The following MINDY1 variants were observed in gnomAD, a reference collection of about 807,000 sequenced individuals.
The protein encoded by MINDY1 is ubiquitin carboxyl-terminal hydrolase MINDY-1.
In MINDY1, 50 loss-of-function variants were observed where a neutral mutation model predicts 53.6. The ratio of observed to expected loss-of-function variants is 0.93; its 90% confidence interval spans 0.74 to 1.18. MINDY1 has a LOEUF of 1.18. Ranked by LOEUF, MINDY1 falls within the 50% of genes most tolerant of loss-of-function variation. The probability of loss-of-function intolerance (pLI) is 0.00; values close to 1 mark genes in which losing one functional copy is unlikely to be tolerated. For synonymous variants in MINDY1, 231 were observed against 234.7 expected, an observed-to-expected ratio of 0.98 and a Z score of 0.14; for missense variants, 484 against 578.6, an observed-to-expected ratio of 0.84 and a Z score of 1.68.
chr1:151,000,685 AT>A lies in MINDY1; in HGVS notation c.577-71del, dbSNP rs937045293. The A allele has an allele frequency of 8.0e-6, 12 of 1,505,148 alleles. No homozygotes were observed. The African/African-American group carries it at 1.5e-4, about 19-fold the overall frequency. The allele number at this position is 1,505,148 out of a possible 1,614,324, so 93.2% of individuals were successfully genotyped here. A position where few individuals can be genotyped will look rare whatever the true frequency, so the allele number is the denominator to read the frequency against. ...CACCACTCCACTCCCACCTGCAGAAATTAAAAATTAACCTTGCTGCTCTTCT... is the reference window on the plus strand; with the variant it reads ...CACCACTCCACTCCCACCTGCAGAAATAAAAATTAACCTTGCTGCTCTTCT... On this transcript the variant is annotated intron_variant, in intron 4 of 9. Coordinates refer to ENST00000683666, the MANE Select transcript of MINDY1 (RefSeq NM_001376665.1).
Position 150,999,834 on chromosome 1 carries a change from CT to C in MINDY1, c.838+27del, listed in dbSNP as rs764585884. On this transcript the variant is annotated intron_variant, in intron 6 of 9. Transcript: ENST00000683666. This position sits in a 1 kb window ranked among gnomAD's most constrained non-coding sequence, Gnocchi z 4.4. ...AAGTAGCTGTCATTCCCTCCACATACTATCCATGAGAAGGGGAGGAATGTCA... is the reference window on the plus strand; with the variant it reads ...AAGTAGCTGTCATTCCCTCCACATACATCCATGAGAAGGGGAGGAATGTCA... 1 of 1,583,698 alleles carries C rather than the reference CT, an allele frequency of 6.3e-7. No individual in the cohort carries two copies. The highest frequency in any genetic ancestry group is 8.7e-7 in the Non-Finnish European group (1 of 1,152,670).
rs769175389 is a variant in MINDY1, at chr1:151,006,782, C to G, written c.-560G>C. 7.1e-6 allele frequency: 7 copies of G among 985,646 alleles called. No individual in the cohort carries two copies. Among genetic ancestry groups the G allele is most frequent in the Non-Finnish European group, 8.4e-6 (7 of 830,076 alleles). 61.1% of individuals were successfully genotyped at this position (985,646 alleles called of 1,614,324 possible). A position where few individuals can be genotyped will look rare whatever the true frequency, so the allele number is the denominator to read the frequency against. ...GCTGGTGGATTTCCATCAGGACTTT[C>G]TGACCCGGTCAGCAGCTTTGTGATC... On this transcript the variant is annotated 5_prime_UTR_variant, in exon 1 of 10. Transcript: ENST00000683666.
chr1:151,002,482 C>T lies in MINDY1; in HGVS notation c.136G>A (p.Glu46Lys), dbSNP rs753976977. ...QDTDARDADG[E>K]AREREPADQA... ...TCTGCTGGCTCCCGTTCTCTAGCCT[C>T]CCCATCAGCATCTCTTGCATCTGTG... The change falls in exon 2 of 10, where the codon GAG (glutamate) becomes AAG (lysine). Residue 46 changes from glutamate to lysine, a missense_variant. Coordinates refer to ENST00000683666, the MANE Select transcript of MINDY1 (RefSeq NM_001376665.1). The surrounding 1 kb of genome is among the most constrained non-coding windows in gnomAD (Gnocchi z 4.1). 1 of 1,614,200 alleles carries T rather than the reference C, an allele frequency of 6.2e-7. No homozygotes were observed. Among genetic ancestry groups the T allele is most frequent in the South Asian group, 1.1e-5 (1 of 91,092 alleles).
rs201903406 is a variant in MINDY1 at position 151,002,195 on chromosome 1, G to A, written c.423C>T (p.Ala141=). 11 of 1,612,430 alleles carry A rather than the reference G, an allele frequency of 6.8e-6. No homozygotes were observed. The highest frequency in any genetic ancestry group is 1.7e-4 in the Middle Eastern group (1 of 6,048). Residue 141 remains alanine, a synonymous_variant, in exon 2 of 10, where the codon GCC becomes GCT. Coordinates refer to ENST00000683666, the MANE Select transcript of MINDY1 (RefSeq NM_001376665.1). The surrounding 1 kb of genome is among the most constrained non-coding windows in gnomAD (Gnocchi z 4.1). ...QSTNGPCPLL[A]IMNILFLQWK... ...ACTGAAGAAAGAGGATGTTCATGATGGCAAGGAGAGGGCAAGGGCCGTTAG... is the reference window on the plus strand; with the variant it reads ...ACTGAAGAAAGAGGATGTTCATGATAGCAAGGAGAGGGCAAGGGCCGTTAG...
At chr1:150,996,547 G>A (rs1671861955), downstream of MINDY1, 1 of 151,346 alleles carries the variant, frequency 6.6e-6, no homozygotes, top group Non-Finnish European at 1.5e-5. Flanking sequence ...CAGGAAAGAA[G>A]GTTTTTTTTT....
At chr1:151,000,114 A>G (rs1672379183) in intron 5 of MINDY1, 150 bp from the exon 6 acceptor site, 1 of 630,040 alleles carries the variant, frequency 1.6e-6, no homozygotes, top group African/African-American at 1.8e-5. Context: ...AAAAAGAAAA[A>G]AATTTCAGGA....
At chr1:150,997,949 G>T in intron 8 of MINDY1, 133 bp downstream of exon 8, 1 of 1,168,282 alleles carries the variant, frequency 8.6e-7, no homozygotes, top group Non-Finnish European at 1.2e-6. Context: ...TACACACCAA[G>T]TGAGGAGACG....
chr1:151,004,591 G>A (rs1175589254), intron 1 of MINDY1, among the ~76,000 whole-genome samples: 1 of 152,028 alleles, frequency 6.6e-6, no homozygotes, highest in South Asian at 2.1e-4. Context: ...TTAGCCAGGT[G>A]TGTTGGCACG....
intron 1 of MINDY1, chr1:151,005,997 C>A: frequency 2.1e-6 from 3 of 1,423,958 alleles, no homozygotes; most frequent in Non-Finnish European, 2.9e-6. Flanking sequence ...TGTCTCACAC[C>A]AATCTCCTTC....
At position 150,999,391 on chromosome 1, in the gene MINDY1, A is replaced by C; in HGVS notation, c.959T>G (p.Phe320Cys). The C allele has an allele frequency of 6.2e-7, 1 of 1,614,134 alleles. No individual in the cohort carries two copies. Among genetic ancestry groups the C allele is most frequent in the Non-Finnish European group, 8.5e-7 (1 of 1,180,026 alleles). ...ELSVFFRNNH[F>C]STMTKHKSHL... ...TACCTTATGCTTAGTCATGGTGCTA[A>C]AGTGGTTGTTTCGGAAAAAGACGCT... is the stretch of plus-strand genomic sequence containing the variant. Residue 320 changes from phenylalanine (F) to cysteine (C), a missense_variant, in exon 7 of 10, where the codon TTT becomes TGT. Physicochemically the swap from Phe to Cys is radical, Grantham distance 205 (BLOSUM62 -2). Coordinates refer to ENST00000683666, the MANE Select transcript of MINDY1 (RefSeq NM_001376665.1). This position sits in a 1 kb window ranked among gnomAD's most constrained non-coding sequence, Gnocchi z 4.4.
Position 151,002,434 on chromosome 1 carries a change from A to G in MINDY1, c.184T>C (p.Cys62Arg), listed in dbSNP as rs1672689890. The G allele has an allele frequency of 6.2e-7, 1 of 1,614,198 alleles. No homozygotes were observed. Among genetic ancestry groups the G allele is most frequent in the South Asian group, 1.1e-5 (1 of 91,090 alleles). ...PADQALLPSQ[C>R]GDNLESPLPE... The stretch of plus-strand genomic sequence containing the variant: ...AGAGGGGACTCAAGGTTGTCCCCAC[A>G]CTGGCTAGGCAGCAAAGCTTGGTCT... Residue 62 changes from cysteine to arginine, a missense_variant, in exon 2 of 10, where the codon TGT becomes CGT. Cys to Arg is a radical substitution (Grantham distance 180). Transcript: ENST00000683666. The surrounding 1 kb of genome is among the most constrained non-coding windows in gnomAD (Gnocchi z 4.1).
upstream of MINDY1, chr1:151,006,951 GGCTGGACAGAA>G: frequency 1.0e-6 from 1 of 959,450 alleles, no homozygotes; most frequent in South Asian, 4.8e-5. Context: ...GGAGGAGAAG[GGCTGGACAGAA>G]GCAGCTTGTT....
chr1:151,003,854 TAAC>T (rs766539937), intron 1 of MINDY1, among the ~76,000 whole-genome samples: 5 of 152,234 alleles, frequency 3.3e-5, no homozygotes, highest in Non-Finnish European at 7.3e-5. Context: ...TTAATTTACA[TAAC>T]AATACTTCCT....
In MINDY1 at chr1:151,006,507, C is replaced by T. The variant is rs1216620357; in HGVS notation, c.-285G>A. 3 of 1,044,784 alleles carry T rather than the reference C, an allele frequency of 2.9e-6. No individual in the cohort carries two copies. Among genetic ancestry groups the T allele is most frequent in the Non-Finnish European group, 3.5e-6 (3 of 865,600 alleles). The allele number at this position is 1,044,784 out of a possible 1,614,324, so 64.7% of individuals were successfully genotyped here. The stretch of plus-strand genomic sequence containing the variant: ...TTGTGGCCACTTCCGGACTCACGCC[C>T]AGTACTGGGGGCACTGGAGGAGGGT... On this transcript the variant is annotated 5_prime_UTR_variant, in exon 1 of 10. Coordinates refer to ENST00000683666, the MANE Select transcript of MINDY1 (RefSeq NM_001376665.1).
rs1671919649 is a variant in MINDY1 at position 150,997,270 on chromosome 1, C to A, written c.*17G>T. The A allele has an allele frequency of 6.3e-7, 1 of 1,575,404 alleles. No individual in the cohort carries two copies. The highest frequency in any genetic ancestry group is 1.8e-5 in the Admixed American group (1 of 55,682). Reference sequence around the variant, plus strand: ...CCTCTGGAAGAAGGGGCAGGCCAGCCTGGCACTGGGGCAGAGCTACAGCAG... The same window carrying A: ...CCTCTGGAAGAAGGGGCAGGCCAGCATGGCACTGGGGCAGAGCTACAGCAG... On this transcript the variant is annotated 3_prime_UTR_variant, in exon 10 of 10. Transcript: ENST00000683666.
rs1168424545 is a variant in MINDY1 at position 150,999,190 on chromosome 1, G to A, written c.981+179C>T. Among the ~76,000 whole-genome samples the A allele has an allele frequency of 2.0e-5, 3 of 152,074 alleles. No individual in the cohort carries two copies. The highest frequency in any genetic ancestry group is 4.4e-5 in the Non-Finnish European group (3 of 68,026). The stretch of plus-strand genomic sequence containing the variant: ...GAAGATGGTGTGGGACAGAACCGTA[G>A]CCAGTCCACAGTGGACACGCACCAG... On this transcript the variant is annotated intron_variant, in intron 7 of 9. Coordinates refer to ENST00000683666, the MANE Select transcript of MINDY1 (RefSeq NM_001376665.1). The surrounding 1 kb of genome is among the most constrained non-coding windows in gnomAD (Gnocchi z 4.4).
In MINDY1 at chr1:150,997,785, G is replaced by A; in HGVS notation, c.1174-6C>T. The A allele has an allele frequency of 1.2e-6, 2 of 1,608,864 alleles. No homozygotes were observed. Among genetic ancestry groups the A allele is most frequent in the Non-Finnish European group, 1.7e-6 (2 of 1,176,516 alleles). ...GACAGAGCAATCAGGTAGTCCTGGGGAGAACAAGAGTTGTGCAGTGGGCTG... is the reference window on the plus strand; with the variant it reads ...GACAGAGCAATCAGGTAGTCCTGGGAAGAACAAGAGTTGTGCAGTGGGCTG... On this transcript the variant is annotated splice_polypyrimidine_tract_variant and splice_region_variant and intron_variant, in intron 8 of 9. Coordinates refer to ENST00000683666, the MANE Select transcript of MINDY1 (RefSeq NM_001376665.1).
chr1:151,003,823 G>A (rs1558060190), intron 1 of MINDY1, among the ~76,000 whole-genome samples: 6 of 152,166 alleles, frequency 3.9e-5, no homozygotes. Flanking sequence ...CTATTTCTAT[G>A]AAATATGAAA....
chr1:150,998,032 C>G, intron 8 of MINDY1, 50 bp downstream of exon 8: 1 of 1,541,422 alleles, frequency 6.5e-7, no homozygotes, highest in Non-Finnish European at 8.7e-7. Context: ...CAGTAAAAAG[C>G]TCTCTGAGGC....
Sources: allele counts gnomAD v4.1 joint callset (sites outside exome capture counted in the v4.1 genomes callset), GRCh38; gene constraint gnomAD v4.1.1; non-coding constraint Gnocchi (gnomAD v3.1); transcripts MANE v1.5; gene names NCBI Gene and HGNC (gene_info 2026-07-23, HGNC 2026-07-21).